Variants in CDKN1B observed in about 807,000 individuals in gnomAD.
CDKN1B encodes cyclin dependent kinase inhibitor 1B.
In CDKN1B, 7 loss-of-function variants were observed where a neutral mutation model predicts 17.1. The ratio of observed to expected loss-of-function variants is 0.41; its 90% CI spans 0.23 to 0.77. CDKN1B has a LOEUF of 0.77. Among genes scored for constraint, CDKN1B ranks in the 30% least tolerant of loss-of-function variants. The pLI, the probability that CDKN1B is intolerant of heterozygous loss-of-function variation, is 0.33. For missense variants in CDKN1B, 337 were observed against 262.0 expected (o/e 1.29, Z -1.98); for synonymous variants, 149 against 104.3 (o/e 1.43, Z -2.61).
chr12:12,719,136 G>C (rs185372049), intron 2 of CDKN1B, 182 bp downstream of exon 2: 10 of 683,424 alleles, frequency 1.5e-5, no homozygotes, highest in African/African-American at 1.4e-4. Flanking sequence ...GAGTTTCTAT[G>C]CCCAGAGATA....
chr12:12,718,181 G>A lies in CDKN1B; in HGVS notation c.342G>A (p.Pro114=), dbSNP rs1303132938. The part of the protein sequence containing the change: ...QESQDVSGSR[P]AAPLIGAPAN... ...GCCAGGATGTCAGCGGGAGCCGCCC[G>A]GCGGCGCCTTTAATTGGGGCTCCGG... Residue 114 remains proline, a synonymous_variant, in exon 1 of 3, where the codon CCG becomes CCA. Transcript: ENST00000228872. 33 of 1,613,140 alleles carry A rather than the reference G, an allele frequency of 2.0e-5. No individual in the cohort carries two copies. The highest frequency in any genetic ancestry group is 2.7e-5 in the Non-Finnish European group (32 of 1,179,790).
chr12:12,718,419 G>C (rs994095606), intron 1 of CDKN1B, 105 bp downstream of exon 1: 36 of 1,047,238 alleles, frequency 3.4e-5, no homozygotes, highest in Non-Finnish European at 4.9e-5. Context: ...TTAGCTTTGG[G>C]AGAGCTAACT....
In CDKN1B at chr12:12,721,843, G is replaced by A. The variant is rs1008702838; in HGVS notation, c.*816G>A. On this transcript the variant is annotated 3_prime_UTR_variant, in exon 3 of 3. Coordinates refer to ENST00000228872, the MANE Select transcript of CDKN1B (RefSeq NM_004064.5). ...AATTTTCTCATTTTCTTTTCACTTC[G>A]GGCTGTGTAAACACAGTCAAAATAA... 7.9e-5 allele frequency: 12 copies of A among 151,926 alleles called. No individual in the cohort carries two copies. The highest frequency in any genetic ancestry group is 2.9e-4 in the African/African-American group (12 of 41,330). 9.4% of individuals were successfully genotyped at this position (151,926 alleles called of 1,614,324 possible).
chr12:12,717,630 C>T lies in CDKN1B; in HGVS notation c.-210C>T. ...CCCGCTCGCCAGTCCATTTGATCAG[C>T]GGAGACTCGGCGGCCGGGCCGGGGC... On this transcript the variant is annotated 5_prime_UTR_variant, in exon 1 of 3. Coordinates refer to ENST00000228872, the MANE Select transcript of CDKN1B (RefSeq NM_004064.5). The T allele has an allele frequency of 6.8e-7, 1 of 1,462,766 alleles. No individual in the cohort carries two copies. The highest frequency in any genetic ancestry group is 1.4e-5 in the South Asian group (1 of 71,084). The allele number at this position is 1,462,766 out of a possible 1,614,324, so 90.6% of individuals were successfully genotyped here.
rs2136356136 is a variant in CDKN1B at position 12,718,162 on chromosome 12, A to G, written c.323A>G (p.Asp108Gly). Residue 108 changes from aspartate (D) to glycine (G), a missense_variant, in exon 1 of 3, where the codon GAT becomes GGT. By Grantham distance (94) the Asp-to-Gly change is moderately conservative (BLOSUM62 -1). Coordinates refer to ENST00000228872, the MANE Select transcript of CDKN1B (RefSeq NM_004064.5). ...AAGGTGCCGGCGCAGGAGAGCCAGG[A>G]TGTCAGCGGGAGCCGCCCGGCGGCG... ...ACKVPAQESQ[D>G]VSGSRPAAPL... 2 of 1,613,754 alleles carry G rather than the reference A, an allele frequency of 1.2e-6. No individual in the cohort carries two copies. Among genetic ancestry groups the G allele is most frequent in the South Asian group, 2.2e-5 (2 of 91,086 alleles).
Position 12,718,069 on chromosome 12 carries a change from A to G in CDKN1B, c.230A>G (p.Gln77Arg), listed in dbSNP as rs764436301. The G allele has an allele frequency of 5.6e-6, 9 of 1,614,120 alleles. No individual in the cohort carries two copies. The highest frequency in any genetic ancestry group is 1.1e-5 in the South Asian group (1 of 91,086). Residue 77 changes from glutamine to arginine, a missense_variant, in exon 1 of 3, where the codon CAA (glutamine) becomes CGA (arginine). By Grantham distance (43) the Gln-to-Arg change is conservative. Transcript: ENST00000228872. ...HKPLEGKYEWQEVEKGSLPEF... is the reference protein window; with the variant it reads ...HKPLEGKYEWREVEKGSLPEF... ...CCCCTAGAGGGCAAGTACGAGTGGC[A>G]AGAGGTGGAGAAGGGCAGCTTGCCC...
chr12:12,717,643 G>A lies in CDKN1B; in HGVS notation c.-197G>A. On this transcript the variant is annotated 5_prime_UTR_variant, in exon 1 of 3. Transcript: ENST00000228872. ...CCATTTGATCAGCGGAGACTCGGCG[G>A]CCGGGCCGGGGCTTCCCCGCAGCCC... 3 of 1,469,570 alleles carry A rather than the reference G, an allele frequency of 2.0e-6. No homozygotes were observed. The highest frequency in any genetic ancestry group is 2.7e-6 in the Non-Finnish European group (3 of 1,118,810). 91.0% of individuals were successfully genotyped at this position (1,469,570 alleles called of 1,614,324 possible).
At chr12:12,720,734 A>G (rs561730023) in intron 2 of CDKN1B, among the ~76,000 whole-genome samples, 19 of 152,224 alleles carry the variant, frequency 1.2e-4, no homozygotes, top group African/African-American at 4.6e-4. Flanking sequence ...TGCCAGCAGT[A>G]TCCTCCTCCC....
At position 12,717,442 on chromosome 12, in the gene CDKN1B, T is replaced by C. The variant is rs973773605; in HGVS notation, c.-398T>C. 7.9e-6 allele frequency: 10 copies of C among 1,258,086 alleles called. No homozygotes were observed. In the African/African-American group the frequency reaches 1.5e-4, roughly 19 times the overall value. The allele number at this position is 1,258,086 out of a possible 1,614,324, so 77.9% of individuals were successfully genotyped here. On this transcript the variant is annotated 5_prime_UTR_variant, in exon 1 of 3. Coordinates refer to ENST00000228872, the MANE Select transcript of CDKN1B (RefSeq NM_004064.5). ...GGGGCTCGTCTTTTCGGGGTGTTTTTCTCCCCCTCCCCTGTCCCCGCTTGC... is the reference window on the plus strand; with the variant it reads ...GGGGCTCGTCTTTTCGGGGTGTTTTCCTCCCCCTCCCCTGTCCCCGCTTGC...
Position 12,718,857 on chromosome 12 carries a change from A to G in CDKN1B, c.508A>G (p.Thr170Ala). The G allele has an allele frequency of 1.9e-6, 3 of 1,614,134 alleles. No homozygotes were observed. The South Asian group carries it at 3.3e-5, about 18-fold the overall frequency. ...SSTQNKRANR[T>A]EENVSDGSPN... is the part of the protein sequence containing the mutation. ...TACTCAAAACAAAAGAGCCAACAGA[A>G]CAGAAGAAAATGTTTCAGACGGTTC... Residue 170 changes from threonine (T) to alanine (A), a missense_variant, in exon 2 of 3, where the codon ACA (threonine) becomes GCA (alanine). Coordinates refer to ENST00000228872, the MANE Select transcript of CDKN1B (RefSeq NM_004064.5).
chr12:12,718,131 G>T lies in CDKN1B; in HGVS notation c.292G>T (p.Ala98Ser), dbSNP rs749183658. The T allele has an allele frequency of 6.2e-7, 1 of 1,614,144 alleles. No homozygotes were observed. The highest frequency in any genetic ancestry group is 1.6e-4 in the Middle Eastern group (1 of 6,062). Residue 98 changes from alanine to serine, a missense_variant, in exon 1 of 3, where the codon GCC becomes TCC. Coordinates refer to ENST00000228872, the MANE Select transcript of CDKN1B (RefSeq NM_004064.5). Reference sequence around the variant, plus strand: ...CAGACCCCCGCGGCCCCCCAAAGGTGCCTGCAAGGTGCCGGCGCAGGAGAG... The same window carrying T: ...CAGACCCCCGCGGCCCCCCAAAGGTTCCTGCAAGGTGCCGGCGCAGGAGAG... ...YYRPPRPPKG[A>S]CKVPAQESQD...
At chr12:12,719,404 G>A (rs1946519632) in intron 2 of CDKN1B, 2 of 204,582 alleles carry the variant, frequency 9.8e-6, no homozygotes, top group Non-Finnish European at 1.0e-5. Flanking sequence ...TTTTGAGGGG[G>A]AATGTTTGGT....
Position 12,717,743 on chromosome 12 carries a change from T to G in CDKN1B, c.-97T>G. The G allele has an allele frequency of 5.7e-6, 9 of 1,591,474 alleles. No homozygotes were observed. The highest frequency in any genetic ancestry group is 7.7e-6 in the Non-Finnish European group (9 of 1,176,284). On this transcript the variant is annotated 5_prime_UTR_variant, in exon 1 of 3. Transcript: ENST00000228872. Reference sequence around the variant, plus strand: ...TGGCTCCGAGGGCAGTCGCTGGGCTTCCGAGAGGGGTTCGGGCTGCGTAGG... The same window carrying G: ...TGGCTCCGAGGGCAGTCGCTGGGCTGCCGAGAGGGGTTCGGGCTGCGTAGG...
At position 12,718,158 on chromosome 12, in the gene CDKN1B, CA is replaced by C. The variant is rs755301027; in HGVS notation, c.320del (p.Gln107ArgfsTer12). The C allele has an allele frequency of 6.2e-7, 1 of 1,613,810 alleles. No homozygotes were observed. On this transcript the variant is annotated frameshift_variant, in exon 1 of 3. Coordinates refer to ENST00000228872, the MANE Select transcript of CDKN1B (RefSeq NM_004064.5). LOFTEE classifies it high-confidence loss of function. ...CTGCAAGGTGCCGGCGCAGGAGAGC[CA>C]GGATGTCAGCGGGAGCCGCCCGGCG... ...GACKVPAQES[Q>X]DVSGSRPAAP...
chr12:12,720,627 C>G (rs1468294960), intron 2 of CDKN1B, among the ~76,000 whole-genome samples: 4 of 152,190 alleles, frequency 2.6e-5, no homozygotes, highest in Non-Finnish European at 5.9e-5. Flanking sequence ...TTCTCAGCCT[C>G]TGCACTAATG....
At chr12:12,720,458 CCAAT>C (rs1217278163) in intron 2 of CDKN1B, among the ~76,000 whole-genome samples, 1 of 151,364 alleles carries the variant, frequency 6.6e-6, no homozygotes, top group Non-Finnish European at 1.5e-5. Flanking sequence ...ATTTTTATTC[CCAAT>C]CATTTTTCAA....
chr12:12,717,493 G>T lies in CDKN1B; in HGVS notation c.-347G>T, dbSNP rs1946476960. 3 of 1,346,522 alleles carry T rather than the reference G, an allele frequency of 2.2e-6. No individual in the cohort carries two copies. The highest frequency in any genetic ancestry group is 2.9e-6 in the Non-Finnish European group (3 of 1,046,550). 83.4% of individuals were successfully genotyped at this position (1,346,522 alleles called of 1,614,324 possible). ...TCACGGCTCTGCGACTCCGACGCCG[G>T]CAAGGTTTGGAGAGCGGCTGGGTTC... On this transcript the variant is annotated 5_prime_UTR_variant, in exon 1 of 3. Coordinates refer to ENST00000228872, the MANE Select transcript of CDKN1B (RefSeq NM_004064.5).
At chr12:12,719,555 A>G (rs1369225635) in intron 2 of CDKN1B, 1 of 152,338 alleles carries the variant, frequency 6.6e-6, no homozygotes, top group Non-Finnish European at 1.5e-5. Flanking sequence ...ATTTGCAAAA[A>G]CCAAATGGAA....
intron 2 of CDKN1B, 128 bp from the exon 3 acceptor site, chr12:12,720,908 A>C: frequency 3.7e-6 from 2 of 547,564 alleles, no homozygotes; most frequent in South Asian, 2.7e-5. Flanking sequence ...AGATGACTAT[A>C]GTCATCAAAC....
Sources: allele counts gnomAD v4.1 joint callset (sites outside exome capture counted in the v4.1 genomes callset), GRCh38; gene constraint gnomAD v4.1.1; transcripts MANE v1.5; gene names NCBI Gene and HGNC (gene_info 2026-07-23, HGNC 2026-07-21).